Variants in N4BP1 observed in about 807,000 individuals in gnomAD.
N4BP1 encodes the protein NEDD4 binding protein 1.
N4BP1 carries 21 observed loss-of-function variants against 70.9 expected under a neutral mutation model. The ratio of observed to expected loss-of-function variants is 0.30; its 90% CI spans 0.21 to 0.43. The LOEUF (loss-of-function observed/expected upper bound fraction) is 0.43. Among genes scored for constraint, N4BP1 ranks in the 20% least tolerant of loss-of-function variants. N4BP1 has a pLI of 1.00. For synonymous variants in N4BP1, 387 were observed against 394.6 expected, an observed-to-expected ratio of 0.98 and a Z score of 0.23; for missense variants, 936 against 1,069.4, an observed-to-expected ratio of 0.88 and a Z score of 1.74.
At chr16:48,564,622 A>G (rs1340744602) in intron 1 of N4BP1, among the ~76,000 whole-genome samples, 2 of 152,098 alleles carry the variant, frequency 1.3e-5, no homozygotes, top group Non-Finnish European at 2.9e-5. Context: ...AATTTTTAAA[A>G]TTGCTTTAAT....
intron 1 of N4BP1, among the ~76,000 whole-genome samples, chr16:48,609,338 T>C (rs538168865): frequency 1.3e-5 from 2 of 152,318 alleles, no homozygotes; most frequent in African/African-American, 4.8e-5. Context: ...GGCTCAGAAC[T>C]GCAGTAGTGG....
intron 1 of N4BP1, among the ~76,000 whole-genome samples, chr16:48,607,963 G>C (rs1174419877): frequency 6.6e-6 from 1 of 152,206 alleles, no homozygotes; most frequent in Non-Finnish European, 1.5e-5. Flanking sequence ...CCGGGTTCAA[G>C]CGATTATCCT....
At position 48,541,649 on chromosome 16, in the gene N4BP1, T is replaced by TG. The variant is rs1400045493; in HGVS notation, c.*1254dup. 6.6e-6 allele frequency: 1 copy of TG among 152,300 alleles called. No individual in the cohort carries two copies. The highest frequency in any genetic ancestry group is 2.4e-5 in the African/African-American group (1 of 41,434). 9.4% of individuals were successfully genotyped at this position (152,300 alleles called of 1,614,324 possible). The stretch of plus-strand genomic sequence containing the variant: ...GGCAGCAAGCCGACTGTGAGCAGCC[T>TG]GGGGGCGCAGGTGTAAAATACAAAG... On this transcript the variant is annotated 3_prime_UTR_variant, in exon 7 of 7. Transcript: ENST00000262384.
At chr16:48,574,051 T>G (rs541777051) in intron 1 of N4BP1, among the ~76,000 whole-genome samples, 2 of 152,166 alleles carry the variant, frequency 1.3e-5, no homozygotes, top group African/African-American at 2.4e-5. Flanking sequence ...AAGGGTCAAC[T>G]GCTTATGATT....
At chr16:48,555,486 ATTTC>A (rs1385679937) in intron 2 of N4BP1, among the ~76,000 whole-genome samples, 2 of 152,222 alleles carry the variant, frequency 1.3e-5, no homozygotes, top group African/African-American at 2.4e-5. Context: ...TTTAAAGGCT[ATTTC>A]TTTTTCAGTG....
Position 48,548,047 on chromosome 16 carries a change from C to T in N4BP1, c.2185G>A (p.Val729Met). Residue 729 changes from valine to methionine, a missense_variant, in exon 5 of 7, where the codon GTG becomes ATG. This residue lies in a region of N4BP1 where 229 missense variants were observed against 343.5 expected (regional missense o/e 0.67). Transcript: ENST00000262384. Reference sequence around the variant, plus strand: ...TCTCTCCAAGAGACTGACTCATTCACAAATTCTCTGAAATTATCATTTGTC... The same window carrying T: ...TCTCTCCAAGAGACTGACTCATTCATAAATTCTCTGAAATTATCATTTGTC... ...IVTNDNFREF[V>M]NESVSWREII... is the part of the protein sequence containing the mutation. The T allele has an allele frequency of 6.2e-7, 1 of 1,612,306 alleles. No homozygotes were observed. Among genetic ancestry groups the T allele is most frequent in the Non-Finnish European group, 8.5e-7 (1 of 1,178,364 alleles).
intron 4 of N4BP1, among the ~76,000 whole-genome samples, chr16:48,550,553 C>T (rs189730883): frequency 6.6e-6 from 1 of 152,018 alleles, no homozygotes; most frequent in African/African-American, 2.4e-5. Context: ...CAGACTAAAT[C>T]TTGGTGACTC....
chr16:48,574,787 C>T (rs1964068311), intron 1 of N4BP1, among the ~76,000 whole-genome samples: 1 of 152,096 alleles, frequency 6.6e-6, no homozygotes, highest in South Asian at 2.1e-4. Context: ...AAGTGATATT[C>T]AGGGGAATAT....
chr16:48,586,242 T>C (rs1483586457), intron 1 of N4BP1, among the ~76,000 whole-genome samples: 2 of 152,218 alleles, frequency 1.3e-5, no homozygotes, highest in African/African-American at 4.8e-5. Flanking sequence ...CTCAGAATGC[T>C]GGCCTCAAAC....
chr16:48,567,370 A>G (rs1468747750), intron 1 of N4BP1, among the ~76,000 whole-genome samples: 2 of 152,200 alleles, frequency 1.3e-5, no homozygotes, highest in African/African-American at 4.8e-5. Context: ...GCTTGAGTGC[A>G]GTGGCACGCA....
intron 1 of N4BP1, among the ~76,000 whole-genome samples, chr16:48,582,125 A>G (rs1964182531): frequency 6.6e-6 from 1 of 152,234 alleles, no homozygotes; most frequent in South Asian, 2.1e-4. Flanking sequence ...TTAAAAAATG[A>G]GCAAAAGATT....
rs527362747 is a variant in N4BP1, at chr16:48,560,924, C to T, written c.1719G>A (p.Ser573=). Reference sequence around the variant, plus strand: ...GTCCTGCCGACCTTGCATCAGTAACCGAAGGTAACAGCTGGGGCAGTGGCA... The same window carrying T: ...GTCCTGCCGACCTTGCATCAGTAACTGAAGGTAACAGCTGGGGCAGTGGCA... ...PPMPLPQLLP[S]VTDARSAGPS... is the part of the protein sequence containing the mutation. The change falls in exon 2 of 7, where the codon TCG becomes TCA. Residue 573 remains serine (S), a synonymous_variant. Transcript: ENST00000262384. 5.0e-6 allele frequency: 8 copies of T among 1,613,872 alleles called. No homozygotes were observed. Among genetic ancestry groups the T allele is most frequent in the East Asian group, 4.5e-5 (2 of 44,886 alleles).
intron 2 of N4BP1, among the ~76,000 whole-genome samples, chr16:48,553,968 G>A (rs74017993): frequency 0.085 from 12,899 of 152,132 alleles, 654 homozygotes; most frequent in African/African-American, 0.13. Flanking sequence ...AGAAGAAAGG[G>A]ACAAAGATGT....
chr16:48,574,337 T>A (rs1321132713), intron 1 of N4BP1, among the ~76,000 whole-genome samples: 1 of 152,358 alleles, frequency 6.6e-6, no homozygotes, highest in Non-Finnish European at 1.5e-5. Flanking sequence ...TTGTTTCTTA[T>A]CTGACATTTG....
chr16:48,596,910 T>C (rs1041223158), intron 1 of N4BP1, among the ~76,000 whole-genome samples: 1 of 152,182 alleles, frequency 6.6e-6, no homozygotes, highest in Admixed American at 6.5e-5. Context: ...AGATCAGTAG[T>C]TGAGATATTT....
intron 1 of N4BP1, among the ~76,000 whole-genome samples, chr16:48,575,403 AG>A (rs1239453746): frequency 6.6e-6 from 1 of 152,210 alleles, no homozygotes; most frequent in African/African-American, 2.4e-5. Flanking sequence ...ATGATATATA[AG>A]TTAACTTTCT....
At chr16:48,605,328 G>A (rs899026174) in intron 1 of N4BP1, among the ~76,000 whole-genome samples, 4 of 152,220 alleles carry the variant, frequency 2.6e-5, no homozygotes, top group East Asian at 1.9e-4. Flanking sequence ...CACTGCGCCC[G>A]GCCTAAAAGA....
chr16:48,585,398 A>T (rs922454511), intron 1 of N4BP1, among the ~76,000 whole-genome samples: 10 of 151,864 alleles, frequency 6.6e-5, no homozygotes, highest in African/African-American at 2.4e-4. Context: ...GCAATTTGGG[A>T]GGCTAAGGCA....
At chr16:48,601,907 C>T (rs1322167167) in intron 1 of N4BP1, among the ~76,000 whole-genome samples, 2 of 152,156 alleles carry the variant, frequency 1.3e-5, no homozygotes, top group Non-Finnish European at 2.9e-5. Flanking sequence ...AAAAAAACTC[C>T]TTTATGTTGT....
Sources: allele counts gnomAD v4.1 joint callset (sites outside exome capture counted in the v4.1 genomes callset), GRCh38; gene constraint gnomAD v4.1.1; regional missense constraint gnomAD v4.1.1; transcripts MANE v1.5; gene names NCBI Gene and HGNC (gene_info 2026-07-23, HGNC 2026-07-21).